SETD2: variants seen among roughly 807,000 people sequenced by gnomAD.
SETD2 encodes the protein histone-lysine N-methyltransferase SETD2.
SETD2 carries 31 observed loss-of-function variants against 242.1 expected under a neutral mutation model. The observed-to-expected ratio is 0.13, with a 90% CI of 0.10 to 0.17. The LOEUF is 0.17. Among genes scored for constraint, SETD2 ranks in the 10% least tolerant of loss-of-function variants. The pLI is 1.00. For synonymous variants in SETD2, 1,006 were observed against 1,066.5 expected (o/e 0.94, Z 1.11); for missense variants, 2,481 against 3,046.3 (o/e 0.81, Z 4.37).
At chr3:47,090,105 G>C (rs7621911) in intron 9 of SETD2, among the ~76,000 whole-genome samples, 1 of 151,744 alleles carries the variant, frequency 6.6e-6, no homozygotes, top group Non-Finnish European at 1.5e-5. Context: ...AAAATTAGCC[G>C]GGCATCGTGG....
chr3:47,098,252 C>T, intron 8 of SETD2, 171 bp from the exon 9 acceptor site: 1 of 470,486 alleles, frequency 2.1e-6, no homozygotes, highest in African/African-American at 2.0e-5. Flanking sequence ...CTGAAAACTG[C>T]TCTTTAAAAA....
At position 47,121,358 on chromosome 3, in the gene SETD2, C is replaced by T. The variant is rs2106647368; in HGVS notation, c.3278G>A (p.Ser1093Asn). 6.2e-7 allele frequency: 1 copy of T among 1,609,932 alleles called. No homozygotes were observed. Among genetic ancestry groups the T allele is most frequent in the South Asian group, 1.1e-5 (1 of 91,088 alleles). ...CCAATGGTCAGAATAGTGTCTATAA[C>T]TTTGACTGCTCCGAGAAGAACAAGG... ...TSPCSSRSSQ[S>N]YRHYSDHWED... is the part of the protein sequence containing the mutation. The change falls in exon 3 of 21, where the codon AGT (serine) becomes AAT (asparagine). Residue 1093 changes from serine (S) to asparagine (N), a missense_variant. Around this residue, in one of 17 missense-constraint regions of SETD2, gnomAD observed 1,300 missense variants for 1,259.2 expected, o/e 1.03. Coordinates refer to ENST00000409792, the MANE Select transcript of SETD2 (RefSeq NM_014159.7).
chr3:47,062,117 G>C lies in SETD2; in HGVS notation c.6293+46C>G, dbSNP rs2040358423. On this transcript the variant is annotated intron_variant, in intron 14 of 20. Coordinates refer to ENST00000409792, the MANE Select transcript of SETD2 (RefSeq NM_014159.7). ...ATATGACTTGGGTACTTTTTAACTT[G>C]CTCAAAACAAAAACAAAAACAAAAA... The C allele has an allele frequency of 3.2e-6, 5 of 1,567,184 alleles. No individual in the cohort carries two copies. In the South Asian group the frequency reaches 5.8e-5, roughly 18 times the overall value.
At chr3:47,078,756 A>T (rs1019684875) in intron 12 of SETD2, among the ~76,000 whole-genome samples, 1 of 151,786 alleles carries the variant, frequency 6.6e-6, no homozygotes, top group African/African-American at 2.4e-5. Context: ...TTTTACACAA[A>T]GTCTCACTCT....
At chr3:47,146,467 A>G (rs1019469805) in intron 1 of SETD2, among the ~76,000 whole-genome samples, 4 of 152,170 alleles carry the variant, frequency 2.6e-5, no homozygotes, top group Middle Eastern at 3.4e-3. Flanking sequence ...GTCTCTACTA[A>G]AAATACAAAA....
At chr3:47,042,522 T>TA (rs1170935617) in intron 17 of SETD2, 39 bp downstream of exon 17, 1 of 1,610,710 alleles carries the variant, frequency 6.2e-7, no homozygotes, top group Non-Finnish European at 8.5e-7. Context: ...TTTGATTAAG[T>TA]AAAAGCAGAC....
chr3:47,054,154 A>C (rs1405007963), intron 15 of SETD2, among the ~76,000 whole-genome samples: 1 of 152,196 alleles, frequency 6.6e-6, no homozygotes, highest in Non-Finnish European at 1.5e-5. Flanking sequence ...CAGCCCATTT[A>C]CCTACTACTT....
chr3:47,070,684 T>C (rs1031246288), intron 12 of SETD2, among the ~76,000 whole-genome samples: 2 of 152,222 alleles, frequency 1.3e-5, no homozygotes, highest in Non-Finnish European at 2.9e-5. Context: ...GCTTCATTCA[T>C]GTTAACCCTT....
At chr3:47,034,157 GATTT>G (rs755057063) in intron 18 of SETD2, among the ~76,000 whole-genome samples, 16 of 152,150 alleles carry the variant, frequency 1.1e-4, no homozygotes, top group Non-Finnish European at 2.1e-4. Flanking sequence ...ATTATTTGCG[GATTT>G]ATTTATGTAT....
chr3:47,054,528 A>G (rs1451103012), intron 15 of SETD2, among the ~76,000 whole-genome samples: 2 of 152,206 alleles, frequency 1.3e-5, no homozygotes, highest in East Asian at 3.8e-4. Flanking sequence ...CCAAGAAAGA[A>G]TATGGCTCAT....
chr3:47,084,061 C>T lies in SETD2; in HGVS notation c.5719G>A (p.Glu1907Lys). 6.2e-7 allele frequency: 1 copy of T among 1,614,198 alleles called. No individual in the cohort carries two copies. Among genetic ancestry groups the T allele is most frequent in the Non-Finnish European group, 8.5e-7 (1 of 1,180,028 alleles). ...ACATTTTCTAATTGATCAAGATCCT[C>T]TTTGCCATCCTTGCCTTCTAGCTCA... ...TSELEGKDGK[E>K]DLDQLENVPV... is the part of the protein sequence containing the mutation. Residue 1907 changes from glutamate (E) to lysine (K), a missense_variant, in exon 12 of 21, where the codon GAG becomes AAG. By Grantham distance (56) the Glu-to-Lys change is moderately conservative. Around this residue, in one of 17 missense-constraint regions of SETD2, gnomAD observed 203 missense variants for 222.4 expected, o/e 0.91. Coordinates refer to ENST00000409792, the MANE Select transcript of SETD2 (RefSeq NM_014159.7).
chr3:47,156,260 T>A (rs1473289052), intron 1 of SETD2, among the ~76,000 whole-genome samples: 1 of 152,208 alleles, frequency 6.6e-6, no homozygotes, highest in Middle Eastern at 3.2e-3. Flanking sequence ...TAAACTGTAA[T>A]GTATTAAACA....
chr3:47,050,469 G>C (rs1426102439), intron 15 of SETD2, among the ~76,000 whole-genome samples: 2 of 152,052 alleles, frequency 1.3e-5, no homozygotes, highest in African/African-American at 4.8e-5. Context: ...TTTATGTACA[G>C]GCTGAGCATA....
At chr3:47,115,196 G>A (rs2042808132) in intron 4 of SETD2, among the ~76,000 whole-genome samples, 1 of 152,206 alleles carries the variant, frequency 6.6e-6, no homozygotes, top group South Asian at 2.1e-4. Flanking sequence ...AAGGTGAGTT[G>A]CTGGAGGATG....
At chr3:47,158,131 C>T (rs964460418) in intron 1 of SETD2, among the ~76,000 whole-genome samples, 1 of 151,904 alleles carries the variant, frequency 6.6e-6, no homozygotes, top group African/African-American at 2.4e-5. Context: ...TTGTGGATTC[C>T]TTCTCAGTCT....
At position 47,017,969 on chromosome 3, in the gene SETD2, C is replaced by A. The variant is rs755385318; in HGVS notation, c.7432-230G>T. On this transcript the variant is annotated intron_variant, in intron 19 of 20. Coordinates refer to ENST00000409792, the MANE Select transcript of SETD2 (RefSeq NM_014159.7). The surrounding 1 kb of genome is among the most constrained non-coding windows in gnomAD (Gnocchi z 4.8). Reference sequence around the variant, plus strand: ...AGCTCCCCTGGATGGACTAAGCAAGCCTTAAAGGAGGCTGGAGGGACTCAA... The same window carrying A: ...AGCTCCCCTGGATGGACTAAGCAAGACTTAAAGGAGGCTGGAGGGACTCAA... 1.3e-5 allele frequency among the ~76,000 whole-genome samples: 2 copies of A among 152,074 alleles called. No homozygotes were observed. Among genetic ancestry groups the A allele is most frequent in the Non-Finnish European group, 2.9e-5 (2 of 68,016 alleles).
intron 9 of SETD2, among the ~76,000 whole-genome samples, chr3:47,093,472 C>A (rs1281020538): frequency 6.6e-6 from 1 of 151,880 alleles, no homozygotes; most frequent in East Asian, 1.9e-4. Flanking sequence ...TTAGTAGAGA[C>A]AGGGTTTCAT....
At chr3:47,072,988 A>G (rs2040892766) in intron 12 of SETD2, among the ~76,000 whole-genome samples, 1 of 151,284 alleles carries the variant, frequency 6.6e-6, no homozygotes, top group Admixed American at 6.6e-5. Context: ...AAAAAAAAGG[A>G]AAAATGAAAA....
chr3:47,145,997 C>T (rs1157812217), intron 1 of SETD2, among the ~76,000 whole-genome samples: 1 of 115,490 alleles, frequency 8.7e-6, no homozygotes, highest in Admixed American at 1.3e-4. Flanking sequence ...GCCTGGGTGA[C>T]AGAGCGAGAC....
Sources: allele counts gnomAD v4.1 joint callset (sites outside exome capture counted in the v4.1 genomes callset), GRCh38; gene constraint gnomAD v4.1.1; regional missense constraint gnomAD v4.1.1; non-coding constraint Gnocchi (gnomAD v3.1); transcripts MANE v1.5; gene names NCBI Gene and HGNC (gene_info 2026-07-23, HGNC 2026-07-21).